Variants in MPPED1 observed in about 807,000 individuals in gnomAD.
MPPED1 encodes metallophosphoesterase domain-containing protein 1.
MPPED1 carries 16 observed loss-of-function variants against 36.2 expected under a neutral mutation model. The observed-to-expected ratio is 0.44, with a 90% CI of 0.30 to 0.67. The LOEUF (loss-of-function observed/expected upper bound fraction) is 0.67. MPPED1 is among the 30% of genes least tolerant of loss of function. MPPED1 has a pLI of 0.10. For missense variants in MPPED1, 307 were observed against 453.4 expected, an observed-to-expected ratio of 0.68 and a Z score of 2.93; for synonymous variants, 199 against 191.3, an observed-to-expected ratio of 1.04 and a Z score of -0.33.
chr22:43,493,268 C>T (rs1932157664), intron 4 of MPPED1, among the ~76,000 whole-genome samples: 1 of 152,198 alleles, frequency 6.6e-6, no homozygotes, highest in Non-Finnish European at 1.5e-5. Context: ...CCAGGACCTG[C>T]CAGCATAGGA....
intron 3 of MPPED1, among the ~76,000 whole-genome samples, chr22:43,445,558 C>CTTTT (rs135055): frequency 2.5e-4 from 31 of 123,890 alleles, no homozygotes; most frequent in African/African-American, 4.8e-4. Context: ...CTGATGTTTC[C>CTTTT]TTTTTTTTTT....
intron 2 of MPPED1, among the ~76,000 whole-genome samples, chr22:43,428,266 C>T (rs1455815377): frequency 6.6e-6 from 1 of 152,224 alleles, no homozygotes; most frequent in Non-Finnish European, 1.5e-5. Flanking sequence ...GCACCACCAC[C>T]TCCGGCAGAG....
intron 2 of MPPED1, among the ~76,000 whole-genome samples, chr22:43,429,268 T>C (rs999363125): frequency 1.3e-5 from 2 of 152,080 alleles, no homozygotes; most frequent in African/African-American, 4.8e-5. Flanking sequence ...TGTGGCTCCT[T>C]GGCCTTTCCA....
At chr22:43,500,290 G>GGA (rs1932665214) in intron 5 of MPPED1, among the ~76,000 whole-genome samples, 1 of 9,056 alleles carries the variant, frequency 1.1e-4, no homozygotes. Flanking sequence ...GTGGTGATGG[G>GGA]GGTGGTGGTG....
chr22:43,425,400 G>A (rs1193701662), intron 2 of MPPED1, among the ~76,000 whole-genome samples, 191 bp downstream of exon 2: 1 of 152,254 alleles, frequency 6.6e-6, no homozygotes, highest in African/African-American at 2.4e-5. Context: ...GCAGATGGAT[G>A]GCCTGTGGGC....
At chr22:43,486,491 C>T (rs1931915579) in intron 4 of MPPED1, among the ~76,000 whole-genome samples, 1 of 152,172 alleles carries the variant, frequency 6.6e-6, no homozygotes, top group South Asian at 2.1e-4. Context: ...TCAGGGGCCA[C>T]TGCAGCAGCC....
chr22:43,487,798 G>A lies in MPPED1; in HGVS notation c.633-10437G>A, dbSNP rs941920187. On this transcript the variant is annotated intron_variant, in intron 4 of 6. Transcript: ENST00000443721. ...CACTGCTTGACTTCTCTGTGCTTCC[G>A]TTTCCTTGTCTCTGAAACGGGCGGG... Among the ~76,000 whole-genome samples, 7 of 152,132 alleles carry A rather than the reference G, an allele frequency of 4.6e-5. No homozygotes were observed. The South Asian group carries it at 6.2e-4, about 14-fold the overall frequency.
chr22:43,498,402 G>A (rs1932501153), intron 5 of MPPED1, 52 bp downstream of exon 5: 2 of 1,433,926 alleles, frequency 1.4e-6, no homozygotes, highest in Admixed American at 4.0e-5. Context: ...GCTGGTGGGT[G>A]GGCTCTGGGA....
chr22:43,491,034 A>G (rs1266551132), intron 4 of MPPED1, among the ~76,000 whole-genome samples: 3 of 152,256 alleles, frequency 2.0e-5, no homozygotes, highest in East Asian at 1.9e-4. Flanking sequence ...GGCTAATTAA[A>G]TAGAAATATA....
chr22:43,418,261 C>T (rs1484643914), intron 1 of MPPED1: 8 of 421,016 alleles, frequency 1.9e-5, no homozygotes, highest in Non-Finnish European at 3.8e-5. Flanking sequence ...CTGGGGCTGT[C>T]CTGGGCCTGC....
At chr22:43,432,252 GGAAA>G (rs1282124133) in intron 2 of MPPED1, among the ~76,000 whole-genome samples, 1 of 150,168 alleles carries the variant, frequency 6.7e-6, no homozygotes, top group African/African-American at 2.5e-5. Flanking sequence ...AGAGAGGGAG[GGAAA>G]GAGAGAGAAA....
At chr22:43,468,374 G>A (rs1284141019) in intron 3 of MPPED1, among the ~76,000 whole-genome samples, 1 of 152,200 alleles carries the variant, frequency 6.6e-6, no homozygotes, top group Non-Finnish European at 1.5e-5. Context: ...CCACCTAGCA[G>A]AGTCCAACTG....
chr22:43,497,033 G>A (rs561724219), intron 4 of MPPED1, among the ~76,000 whole-genome samples: 15 of 146,450 alleles, frequency 1.0e-4, no homozygotes, highest in South Asian at 8.9e-4. Flanking sequence ...GGAAGTGGTG[G>A]TGGTGGAGGT....
intron 2 of MPPED1, among the ~76,000 whole-genome samples, chr22:43,433,508 T>C (rs1469635268): frequency 6.6e-6 from 1 of 151,100 alleles, no homozygotes; most frequent in Non-Finnish European, 1.5e-5. Context: ...CCCTGGTTGG[T>C]CATCATCGGA....
chr22:43,496,024 G>A (rs1932323767), intron 4 of MPPED1, among the ~76,000 whole-genome samples: 1 of 88,646 alleles, frequency 1.1e-5, no homozygotes, highest in Non-Finnish European at 2.2e-5. Context: ...TGGAGGTGGT[G>A]ATGGTGGAGG....
intron 3 of MPPED1, among the ~76,000 whole-genome samples, chr22:43,459,858 C>T (rs1228849001): frequency 1.3e-5 from 2 of 151,946 alleles, no homozygotes; most frequent in Non-Finnish European, 2.9e-5. Context: ...CTGCTCTTTC[C>T]CTTGTCTAAG....
rs562845029 is a variant in MPPED1 at position 43,500,807 on chromosome 22, G to A, written c.749-1837G>A. Reference sequence around the variant, plus strand: ...GCCAAGCCCCGTGGGACACATTCGGGGGTGAGGGAAGCTTGAGGAGTCAGG... The same window carrying A: ...GCCAAGCCCCGTGGGACACATTCGGAGGTGAGGGAAGCTTGAGGAGTCAGG... On this transcript the variant is annotated intron_variant, in intron 5 of 6. Transcript: ENST00000443721. Among the ~76,000 whole-genome samples, 4 of 152,188 alleles carry A rather than the reference G, an allele frequency of 2.6e-5. No homozygotes were observed. The East Asian group carries it at 7.7e-4, about 29-fold the overall frequency.
At chr22:43,431,731 C>A (rs1929694462) in intron 2 of MPPED1, among the ~76,000 whole-genome samples, 1 of 152,222 alleles carries the variant, frequency 6.6e-6, no homozygotes, top group African/African-American at 2.4e-5. Flanking sequence ...CTGCCTGTAA[C>A]GTGCCCAGCA....
At chr22:43,464,888 A>G (rs1262029983) in intron 3 of MPPED1, among the ~76,000 whole-genome samples, 1 of 152,002 alleles carries the variant, frequency 6.6e-6, no homozygotes, top group Non-Finnish European at 1.5e-5. Context: ...TTTATTGCTG[A>G]TTTCATGGGA....
Sources: allele counts gnomAD v4.1 joint callset (sites outside exome capture counted in the v4.1 genomes callset), GRCh38; gene constraint gnomAD v4.1.1; transcripts MANE v1.5; gene names NCBI Gene and HGNC (gene_info 2026-07-23, HGNC 2026-07-21).